The following AHNAK variants were observed in gnomAD, a reference collection of about 807,000 sequenced individuals.
The protein encoded by AHNAK is AHNAK nucleoprotein.
AHNAK carries 23 observed loss-of-function variants against 37.8 expected under a neutral mutation model. The ratio of observed to expected loss-of-function variants is 0.61; its 90% CI spans 0.44 to 0.86. AHNAK has a LOEUF of 0.86. Among genes scored for constraint, AHNAK ranks in the 40% least tolerant of loss-of-function variants. The pLI is 0.00. For synonymous variants in AHNAK, 2,481 were observed against 2,636.3 expected (o/e 0.94, Z 1.80); for missense variants, 7,411 against 7,319.4 (o/e 1.01, Z -0.46).
chr11:62,519,221 CT>C lies in AHNAK; in HGVS notation c.15195del (p.Pro5067ArgfsTer9). ...LKAPDVDVNI[A>X]GPDAALKVDV... ...TCGACTTTGAGTGCAGCATCCGGCC[CT>C]GCGATGTTGACATCTACATCCGGAG... On this transcript the variant is annotated frameshift_variant, in exon 5 of 5. Coordinates refer to ENST00000378024, the MANE Select transcript of AHNAK (RefSeq NM_001620.3). LOFTEE classifies it low-confidence loss of function (END_TRUNC). 6.2e-7 allele frequency: 1 copy of C among 1,613,688 alleles called. No homozygotes were observed. Among genetic ancestry groups the C allele is most frequent in the Non-Finnish European group, 8.5e-7 (1 of 1,179,862 alleles).
At position 62,524,453 on chromosome 11, in the gene AHNAK, T is replaced by A; in HGVS notation, c.9964A>T (p.Ile3322Phe). 6.2e-7 allele frequency: 1 copy of A among 1,614,042 alleles called. No individual in the cohort carries two copies. Among genetic ancestry groups the A allele is most frequent in the Non-Finnish European group, 8.5e-7 (1 of 1,179,974 alleles). Reference sequence around the variant, plus strand: ...TTTATATCCAAACTGGGAGCTTTAATGTCACCTTCCAACTTGGGCCCAGAG... The same window carrying A: ...TTTATATCCAAACTGGGAGCTTTAAAGTCACCTTCCAACTTGGGCCCAGAG... Reference protein sequence around the residue: ...DVSGPKLEGDIKAPSLDIKGP... With the variant: ...DVSGPKLEGDFKAPSLDIKGP... Residue 3322 changes from isoleucine (I) to phenylalanine (F), a missense_variant, in exon 5 of 5, where the codon ATT (isoleucine) becomes TTT (phenylalanine). Coordinates refer to ENST00000378024, the MANE Select transcript of AHNAK (RefSeq NM_001620.3).
At chr11:62,467,571 G>A (rs909719799) in intron 5 of AHNAK, among the ~76,000 whole-genome samples, 3 of 152,176 alleles carry the variant, frequency 2.0e-5, no homozygotes, top group East Asian at 1.9e-4. Flanking sequence ...TGTAATTCCC[G>A]CTACTCGGGA....
chr11:62,527,443 T>C lies in AHNAK; in HGVS notation c.6974A>G (p.Lys2325Arg). Residue 2325 changes from lysine to arginine, a missense_variant, in exon 5 of 5, where the codon AAA (lysine) becomes AGA (arginine). Transcript: ENST00000378024. ...PDVDFNLKGP[K>R]IKGDVDVSAP... ...AGAAACATCAACATCTCCTTTGATT[T>C]TGGGTCCCTTTAAATTGAAATCAAC... 4 of 1,614,174 alleles carry C rather than the reference T, an allele frequency of 2.5e-6. No homozygotes were observed. Among genetic ancestry groups the C allele is most frequent in the Non-Finnish European group, 3.4e-6 (4 of 1,180,014 alleles).
rs1258742955 is a variant in AHNAK, at chr11:62,530,671, T to C, written c.3746A>G (p.Asp1249Gly). The change falls in exon 5 of 5, where the codon GAC becomes GGC. Residue 1249 changes from aspartate (D) to glycine (G), a missense_variant. By Grantham distance (94) the Asp-to-Gly change is moderately conservative. Coordinates refer to ENST00000378024, the MANE Select transcript of AHNAK (RefSeq NM_001620.3). ...CATCTTGGGCATCTTCAGGTGCCAG[T>C]CTGGGCCTTGAACCTCCACATCTGG... is the stretch of plus-strand genomic sequence containing the variant. The part of the protein sequence containing the change: ...DAPDVEVQGP[D>G]WHLKMPKMKM... 1 of 1,613,712 alleles carries C rather than the reference T, an allele frequency of 6.2e-7. No homozygotes were observed. The highest frequency in any genetic ancestry group is 8.5e-7 in the Non-Finnish European group (1 of 1,179,994).
rs10608015 is a variant in AHNAK, at chr11:62,506,013, C to CAA, written c.343-14184_343-14183dup. 6.0e-4 allele frequency among the ~76,000 whole-genome samples: 26 copies of CAA among 43,046 alleles called. 1 individual carries two copies. Among genetic ancestry groups the CAA allele is most frequent in the Admixed American group, 7.5e-4 (2 of 2,668 alleles). The allele number at this position is 43,046 out of a possible 152,430, so 28.2% of individuals were successfully genotyped here. ...AAATAGCAAGACCCCCTGTCTCTAC[C>CAA]AAAAAAAAAAAAAAAAAAAAAAAGG... is the stretch of plus-strand genomic sequence containing the variant. On this transcript the variant is annotated intron_variant, in intron 4 of 5. Transcript: ENST00000257247.
Position 62,527,159 on chromosome 11 carries a change from C to T in AHNAK, c.7258G>A (p.Val2420Met), listed in dbSNP as rs778676826. The T allele has an allele frequency of 1.4e-5, 23 of 1,612,272 alleles. No individual in the cohort carries two copies. Among genetic ancestry groups the T allele is most frequent in the Admixed American group, 1.2e-4 (7 of 59,752 alleles). Residue 2420 changes from valine (V) to methionine (M), a missense_variant, in exon 5 of 5, where the codon GTG (valine) becomes ATG (methionine). Transcript: ENST00000378024. ...KLEGDLKGPH[V>M]DVSGPDIDIE... ...TCAATGTCTGGCCCACTGACATCCA[C>T]ATGTGGCCCTTTAAGGTCCCCTTCC...
At position 62,526,024 on chromosome 11, in the gene AHNAK, G is replaced by A. The variant is rs536954047; in HGVS notation, c.8393C>T (p.Ser2798Leu). 6.2e-7 allele frequency: 1 copy of A among 1,613,696 alleles called. No homozygotes were observed. Among genetic ancestry groups the A allele is most frequent in the African/African-American group, 1.3e-5 (1 of 74,838 alleles). Reference sequence around the variant, plus strand: ...ACATTCAACATCCACTTTCGGTCCTGAGACATCAATGTCAGCCTTGGGCAG... The same window carrying A: ...ACATTCAACATCCACTTTCGGTCCTAAGACATCAATGTCAGCCTTGGGCAG... ...VNLPKADIDVSGPKVDVECPD... is the reference protein window; with the variant it reads ...VNLPKADIDVLGPKVDVECPD... The change falls in exon 5 of 5, where the codon TCA becomes TTA. Residue 2798 changes from serine to leucine, a missense_variant. Coordinates refer to ENST00000378024, the MANE Select transcript of AHNAK (RefSeq NM_001620.3).
chr11:62,498,598 T>TA (rs753394652), intron 4 of AHNAK, among the ~76,000 whole-genome samples: 1,394 of 120,804 alleles, frequency 0.012, 13 homozygotes, highest in African/African-American at 0.034. Context: ...AGACTCACTC[T>TA]AAAAAAAAAA....
In AHNAK at chr11:62,517,767, C is replaced by A; in HGVS notation, c.16650G>T (p.Met5550Ile). 1 of 1,614,156 alleles carries A rather than the reference C, an allele frequency of 6.2e-7. No homozygotes were observed. ...DISVKGPAFNMASPESDFGIN... is the reference protein window; with the variant it reads ...DISVKGPAFNIASPESDFGIN... The stretch of plus-strand genomic sequence containing the variant: ...TGCCAAAATCTGACTCAGGAGATGC[C>A]ATATTAAAGGCAGGCCCCTTCACAC... Residue 5550 changes from methionine to isoleucine, a missense_variant, in exon 5 of 5, where the codon ATG (methionine) becomes ATT (isoleucine). Transcript: ENST00000378024.
chr11:62,511,124 T>C (rs1020804868), downstream of AHNAK, among the ~76,000 whole-genome samples: 1 of 152,172 alleles, frequency 6.6e-6, no homozygotes, highest in African/African-American at 2.4e-5. Flanking sequence ...GTGCAGCCTT[T>C]GCTCAAAACA....
At position 62,532,979 on chromosome 11, in the gene AHNAK, C is replaced by T; in HGVS notation, c.1438G>A (p.Glu480Lys). The change falls in exon 5 of 5, where the codon GAA becomes AAA. Residue 480 changes from glutamate to lysine, a missense_variant. Transcript: ENST00000378024. ...SLPEIATGGL[E>K]GKMKGTKVKT... ...ACTTTAGTACCTTTCATCTTTCCTT[C>T]CAGCCCACCAGTAGCAATCTCAGGC... The T allele has an allele frequency of 6.2e-7, 1 of 1,614,156 alleles. No homozygotes were observed. The highest frequency in any genetic ancestry group is 2.2e-5 in the East Asian group (1 of 44,894).
intron 5 of AHNAK, among the ~76,000 whole-genome samples, chr11:62,485,978 A>C (rs1225406635): frequency 3.4e-5 from 5 of 148,210 alleles, no homozygotes; most frequent in African/African-American, 1.2e-4. Context: ...CCGAGATTGC[A>C]CCACTGCACT....
At position 62,524,690 on chromosome 11, in the gene AHNAK, T is replaced by C; in HGVS notation, c.9727A>G (p.Asn3243Asp). The C allele has an allele frequency of 6.2e-7, 1 of 1,614,220 alleles. No individual in the cohort carries two copies. Residue 3243 changes from asparagine (N) to aspartate (D), a missense_variant, in exon 5 of 5, where the codon AAT becomes GAT. Asn to Asp is a conservative substitution (Grantham distance 23). Transcript: ENST00000378024. The part of the protein sequence containing the change: ...MKGEVDVSLA[N>D]VEGDLKGPAL... ...GGTCCTTTCAAATCACCTTCTACAT[T>C]TGCAAGTGAAACATCCACCTCTCCT...
chr11:62,516,828 G>A lies in AHNAK; in HGVS notation c.17589C>T (p.Ser5863=). Residue 5863 remains serine (S), a synonymous_variant, in exon 5 of 5, where the codon TCC becomes TCT. Coordinates refer to ENST00000378024, the MANE Select transcript of AHNAK (RefSeq NM_001620.3). The part of the protein sequence containing the change: ...VSLASKKSRL[S]SSSSNDSGNK... ...TCCCACTGTCATTGCTAGAAGAGGAGGACAGTCGGGACTTCTTAGAGGCCA... is the reference window on the plus strand; with the variant it reads ...TCCCACTGTCATTGCTAGAAGAGGAAGACAGTCGGGACTTCTTAGAGGCCA... 1 of 1,614,198 alleles carries A rather than the reference G, an allele frequency of 6.2e-7. No individual in the cohort carries two copies. The highest frequency in any genetic ancestry group is 1.1e-5 in the South Asian group (1 of 91,080).
chr11:62,464,866 G>A (rs1273260671), intron 5 of AHNAK, among the ~76,000 whole-genome samples: 1 of 151,984 alleles, frequency 6.6e-6, no homozygotes, highest in Non-Finnish European at 1.5e-5. Flanking sequence ...TGGGTGATCT[G>A]GCAGCGTCAG....
In AHNAK at chr11:62,522,423, G is replaced by A. The variant is rs1468158583; in HGVS notation, c.11994C>T (p.Ala3998=). Residue 3998 remains alanine (A), a synonymous_variant, in exon 5 of 5, where the codon GCC becomes GCT. Transcript: ENST00000378024. ...CAAAGTCAGGCATGGAGATCTTGGG[G>A]GCTTTGATGTTCATCTCTGGCATCT... is the stretch of plus-strand genomic sequence containing the variant. The part of the protein sequence containing the change: ...KFKMPEMNIK[A]PKISMPDFDL... 4 of 1,613,624 alleles carry A rather than the reference G, an allele frequency of 2.5e-6. No homozygotes were observed. The highest frequency in any genetic ancestry group is 2.2e-5 in the South Asian group (2 of 91,058).
At position 62,528,826 on chromosome 11, in the gene AHNAK, A is replaced by C; in HGVS notation, c.5591T>G (p.Leu1864Arg). ...KISMPDVDLH[L>R]KGPKVKGDAD... is the part of the protein sequence containing the mutation. ...ATCCCCTTTGACTTTGGGGCCTTTC[A>C]GGTGTAAGTCCACATCAGGCATGGA... is the stretch of plus-strand genomic sequence containing the variant. The change falls in exon 5 of 5, where the codon CTG becomes CGG. Residue 1864 changes from leucine (L) to arginine (R), a missense_variant. Coordinates refer to ENST00000378024, the MANE Select transcript of AHNAK (RefSeq NM_001620.3). 6.2e-7 allele frequency: 1 copy of C among 1,612,616 alleles called. No homozygotes were observed. Among genetic ancestry groups the C allele is most frequent in the Non-Finnish European group, 8.5e-7 (1 of 1,179,558 alleles).
chr11:62,503,125 CA>C (rs1173934209), intron 4 of AHNAK, among the ~76,000 whole-genome samples: 1 of 152,206 alleles, frequency 6.6e-6, no homozygotes, highest in Non-Finnish European at 1.5e-5. Context: ...CAATCCATGT[CA>C]GAGTAGAGTG....
intron 5 of AHNAK, among the ~76,000 whole-genome samples, chr11:62,451,838 T>A (rs959047525): frequency 6.7e-6 from 1 of 150,072 alleles, no homozygotes; most frequent in Non-Finnish European, 1.5e-5. Flanking sequence ...GACAGAGTCT[T>A]GCTCTGTCAC....
Sources: gnomAD v4.1 joint callset for allele counts (sites outside exome capture counted in the v4.1 genomes callset) on GRCh38, gnomAD v4.1.1 for gene constraint, MANE v1.5 for transcripts, NCBI Gene and HGNC (gene_info 2026-07-23, HGNC 2026-07-21) for gene names.